STK26: variants seen among roughly 807,000 people sequenced by gnomAD.
STK26 encodes the protein serine/threonine kinase 26.
A neutral mutation model predicts 34.7 loss-of-function variants in STK26; 14 were observed. The ratio of observed to expected loss-of-function variants is 0.40; its 90% CI spans 0.27 to 0.63. STK26 has a LOEUF of 0.63. Among genes scored for constraint, STK26 ranks in the 30% least tolerant of loss-of-function variants. STK26 has a pLI of 0.38. For synonymous variants in STK26, 100 were observed against 109.8 expected (o/e 0.91, Z 0.56); for missense variants, 226 against 309.1 (o/e 0.73, Z 2.02).
chrX:132,060,260 C>T (rs956576280), intron 3 of STK26, among the ~76,000 whole-genome samples: 14 of 111,745 alleles, frequency 1.3e-4, no homozygotes, highest in African/African-American at 3.6e-4. Flanking sequence ...TCTGTGAGTA[C>T]ATCAAGTGCA....
chrX:132,047,302 TG>T (rs1046477847), intron 2 of STK26, among the ~76,000 whole-genome samples: 4 of 112,101 alleles, frequency 3.6e-5, no homozygotes, highest in Non-Finnish European at 7.5e-5. Context: ...GAAAATTTTG[TG>T]GGGAGTTTAT....
intron 8 of STK26, among the ~76,000 whole-genome samples, chrX:132,071,502 T>C (rs1161323442): frequency 1.8e-5 from 2 of 111,709 alleles, no homozygotes; most frequent in Non-Finnish European, 3.8e-5. Context: ...CAATTAAAGG[T>C]GTTATATTAG....
chrX:132,041,233 T>G (rs1926253940), intron 2 of STK26, among the ~76,000 whole-genome samples: 1 of 111,404 alleles, frequency 9.0e-6, no homozygotes, highest in South Asian at 3.8e-4. Context: ...CCAGGCTTGC[T>G]GAGGTGGTCA....
chrX:132,072,729 A>T, intron 9 of STK26, 84 bp from the exon 10 acceptor site: 3 of 1,004,914 alleles, frequency 3.0e-6, no homozygotes, highest in Non-Finnish European at 4.2e-6. Flanking sequence ...AGGGGATTCA[A>T]ATTAGTTCGT....
chrX:132,044,027 T>A (rs1006081515), intron 2 of STK26, among the ~76,000 whole-genome samples: 1 of 111,827 alleles, frequency 8.9e-6, no homozygotes, highest in African/African-American at 3.3e-5. Flanking sequence ...ATCCGTCAGT[T>A]TACTGAATAT....
chrX:132,027,833 A>G (rs999587554), intron 2 of STK26, among the ~76,000 whole-genome samples: 2 of 110,126 alleles, frequency 1.8e-5, no homozygotes, highest in Non-Finnish European at 1.9e-5. Context: ...AGGCAGTTTG[A>G]TCTACAGAGG....
At chrX:132,056,625 A>T (rs1326811360) in intron 3 of STK26, among the ~76,000 whole-genome samples, 1 of 111,445 alleles carries the variant, frequency 9.0e-6, no homozygotes, top group Non-Finnish European at 1.9e-5. Context: ...CTAGTGTCTA[A>T]TGAGTGATGC....
At chrX:132,032,099 G>A (rs1036866601) in intron 2 of STK26, among the ~76,000 whole-genome samples, 4 of 111,510 alleles carry the variant, frequency 3.6e-5, no homozygotes, top group African/African-American at 1.3e-4. Flanking sequence ...AGAGCTACAG[G>A]ATGCATCTAA....
intron 3 of STK26, among the ~76,000 whole-genome samples, chrX:132,062,560 T>C (rs1056185821): frequency 1.8e-5 from 2 of 111,773 alleles, no homozygotes; most frequent in Non-Finnish European, 3.8e-5. Flanking sequence ...CTAGGTTCCG[T>C]GTGTGCCAAA....
chrX:132,059,505 A>G (rs1300687236), intron 3 of STK26, among the ~76,000 whole-genome samples: 1 of 112,306 alleles, frequency 8.9e-6, no homozygotes, highest in Non-Finnish European at 1.9e-5. Flanking sequence ...GTATGACCAC[A>G]GTGTTTTCCT....
intron 2 of STK26, among the ~76,000 whole-genome samples, chrX:132,045,014 G>A (rs1328860075): frequency 9.3e-6 from 1 of 107,240 alleles, no homozygotes; most frequent in African/African-American, 3.4e-5. Flanking sequence ...TTTAGGTCCT[G>A]TATGAGCTGA....
At position 132,047,623 on chromosome X, in the gene STK26, C is replaced by G. The variant is rs746999820; in HGVS notation, c.43-7008C>G. Among the ~76,000 whole-genome samples the G allele has an allele frequency of 3.6e-5, 4 of 110,811 alleles. No individual in the cohort carries two copies. In the East Asian group the frequency reaches 8.4e-4, roughly 23 times the overall value. The stretch of plus-strand genomic sequence containing the variant: ...TATCTCCTACACTCTAGAGGCTAGC[C>G]CATTCCAGCCTAGTTATTGACATGG... On this transcript the variant is annotated intron_variant, in intron 2 of 11. Transcript: ENST00000394334.
chrX:132,053,274 G>A (rs1338582818), intron 2 of STK26, among the ~76,000 whole-genome samples: 1 of 111,239 alleles, frequency 9.0e-6, no homozygotes, highest in Non-Finnish European at 1.9e-5. Context: ...TTTAGAAATG[G>A]AAAAAAATCC....
At chrX:132,053,300 G>A (rs1403399213) in intron 2 of STK26, among the ~76,000 whole-genome samples, 3 of 111,297 alleles carry the variant, frequency 2.7e-5, no homozygotes, top group Non-Finnish European at 5.7e-5. Context: ...GAGAGAATGG[G>A]GAAGCTTATA....
Position 132,023,679 on chromosome X carries a change from C to T in STK26, c.42+20C>T, listed in dbSNP as rs927909071. On this transcript the variant is annotated intron_variant, in intron 2 of 11. Coordinates refer to ENST00000394334, the MANE Select transcript of STK26 (RefSeq NM_016542.4). ...ATGCAGGTGAGGAAGCGCAGGCCGC[C>T]CCCGCCGCCCACGTGACTGCTTGGG... is the stretch of plus-strand genomic sequence containing the variant. 8.5e-7 allele frequency: 1 copy of T among 1,173,918 alleles called. No individual in the cohort carries two copies. Among genetic ancestry groups the T allele is most frequent in the Non-Finnish European group, 1.1e-6 (1 of 876,975 alleles).
At chrX:132,023,900 C>T (rs1315676686) in intron 2 of STK26, among the ~76,000 whole-genome samples, 2 of 111,553 alleles carry the variant, frequency 1.8e-5, no homozygotes, top group Non-Finnish European at 3.8e-5. Context: ...AGATTGAGGG[C>T]GGTTGGGGGT....
intron 2 of STK26, among the ~76,000 whole-genome samples, chrX:132,035,832 TACACACACAC>T (rs61494612): frequency 2.8e-4 from 22 of 78,233 alleles, no homozygotes; most frequent in South Asian, 7.8e-4. Flanking sequence ...TCTGGCTGCA[TACACACACAC>T]ACACACACAC....
At chrX:132,050,210 TCTA>T (rs1569331591) in intron 2 of STK26, among the ~76,000 whole-genome samples, 1 of 111,552 alleles carries the variant, frequency 9.0e-6, no homozygotes, top group East Asian at 2.8e-4. Context: ...TGACCCATTT[TCTA>T]CTAACTAGAT....
intron 6 of STK26, 60 bp from the exon 7 acceptor site, chrX:132,069,410 CATATATAT>C (rs57609807): frequency 0.17 from 15,514 of 90,437 alleles, 1,234 homozygotes; most frequent in African/African-American, 0.19. Flanking sequence ...CATACATACA[CATATATAT>C]ATATATATAT....
Sources: gnomAD v4.1 joint callset for allele counts (sites outside exome capture counted in the v4.1 genomes callset) on GRCh38, gnomAD v4.1.1 for gene constraint, MANE v1.5 for transcripts, NCBI Gene and HGNC (gene_info 2026-07-23, HGNC 2026-07-21) for gene names.